MEIOSIN: variants seen among roughly 807,000 people sequenced by gnomAD.
MEIOSIN encodes meiosis initiator.
MEIOSIN carries 18 observed loss-of-function variants against 23.4 expected under a neutral mutation model. That is an observed-to-expected ratio of 0.77 (90% confidence interval 0.53 to 1.14). The LOEUF (loss-of-function observed/expected upper bound fraction) is 1.14, where lower values mean the gene tolerates loss of function less well. Ranked by LOEUF, MEIOSIN falls within the 50% of genes most tolerant of loss-of-function variation. MEIOSIN has a pLI of 0.00. For synonymous variants in MEIOSIN, 187 were observed against 100.6 expected (o/e 1.86, Z -5.14); for missense variants, 428 against 242.9 (o/e 1.76, Z -5.07).
chr19:45,742,373 G>A (rs762932147), intron 3 of MEIOSIN, among the ~76,000 whole-genome samples: 9 of 152,060 alleles, frequency 5.9e-5, no homozygotes, highest in Non-Finnish European at 1.3e-4. Context: ...CCAGCTACTC[G>A]GGAGACTGAA....
intron 4 of MEIOSIN, among the ~76,000 whole-genome samples, chr19:45,748,238 C>T (rs140565511): frequency 0.033 from 4,973 of 152,162 alleles, 289 homozygotes; most frequent in African/African-American, 0.11. Context: ...CCACCACGCC[C>T]GGCCAATTAG....
At chr19:45,737,554 C>T (rs115091750) in intron 2 of MEIOSIN, among the ~76,000 whole-genome samples, 1 of 151,908 alleles carries the variant, frequency 6.6e-6, no homozygotes, top group African/African-American at 2.4e-5. Flanking sequence ...CAGCTTTGAC[C>T]TCCCAGACTG....
chr19:45,753,307 G>A (rs1278566839), intron 5 of MEIOSIN, among the ~76,000 whole-genome samples: 1 of 152,146 alleles, frequency 6.6e-6, no homozygotes, highest in African/African-American at 2.4e-5. Context: ...ACCTTGAGGG[G>A]GTCGGCTAGG....
At chr19:45,763,844 C>T (rs1325509869) in intron 14 of MEIOSIN, 127 bp from the exon 15 acceptor site, 4 of 397,592 alleles carry the variant, frequency 1.0e-5, no homozygotes, top group African/African-American at 4.1e-5. Context: ...CTTGGTGGAC[C>T]CAAGGCTCGC....
In MEIOSIN at chr19:45,733,769, G is replaced by C. The variant is rs1258398921; in HGVS notation, c.-1+103G>C. ...GGGATCCCCACAGGAGCTTCCCTCG[G>C]TGGGGGGCTCAGGGGAATAGAACAT... On this transcript the variant is annotated intron_variant, in intron 1 of 14. Coordinates refer to ENST00000457052, the MANE Select transcript of MEIOSIN (RefSeq NM_001310124.2). This position sits in a 1 kb window ranked among gnomAD's most constrained non-coding sequence, Gnocchi z 5.7. 1.3e-5 allele frequency: 2 copies of C among 152,362 alleles called. No individual in the cohort carries two copies. The highest frequency in any genetic ancestry group is 2.1e-4 in the South Asian group (1 of 4,836). The allele number at this position is 152,362 out of a possible 1,614,324, so 9.4% of individuals were successfully genotyped here.
rs1485878926 is a variant in MEIOSIN, at chr19:45,753,660, A to G, written c.428A>G (p.Gln143Arg). 1 of 702,446 alleles carries G rather than the reference A, an allele frequency of 1.4e-6. No homozygotes were observed. Among genetic ancestry groups the G allele is most frequent in the Non-Finnish European group, 2.6e-6 (1 of 384,796 alleles). The allele number at this position is 702,446 out of a possible 1,614,324, so 43.5% of individuals were successfully genotyped here. A position where few individuals can be genotyped will look rare whatever the true frequency, so the allele number is the denominator to read the frequency against. The change falls in exon 6 of 15, where the codon CAG becomes CGG. Residue 143 changes from glutamine (Q) to arginine (R), a missense_variant. Transcript: ENST00000457052. ...TGEGGLAGLGQKPAWGPARRR... is the reference protein window; with the variant it reads ...TGEGGLAGLGRKPAWGPARRR... ...CTCTCCATCCCTGCAGGGCTGGGTC[A>G]GAAACCAGCCTGGGGCCCAGCCAGG...
At chr19:45,751,772 G>A (rs185393249) in intron 5 of MEIOSIN, among the ~76,000 whole-genome samples, 5 of 147,400 alleles carry the variant, frequency 3.4e-5, no homozygotes, top group Admixed American at 6.8e-5. Context: ...CTCTTGTTGC[G>A]CAGGCTGGAG....
chr19:45,749,671 C>CAA (rs71175219), intron 4 of MEIOSIN, among the ~76,000 whole-genome samples: 349 of 34,426 alleles, frequency 0.01, 37 homozygotes, highest in African/African-American at 0.037. Context: ...GATTCTGTCT[C>CAA]AAAAAAAAAA....
intron 3 of MEIOSIN, among the ~76,000 whole-genome samples, chr19:45,742,304 C>A (rs1373049946): frequency 6.6e-6 from 1 of 152,072 alleles, no homozygotes; most frequent in African/African-American, 2.4e-5. Flanking sequence ...CTGCACCCAG[C>A]CTTGTCTCTA....
Position 45,745,342 on chromosome 19 carries a change from G to A in MEIOSIN, c.306+21G>A, listed in dbSNP as rs540712592. The A allele has an allele frequency of 4.4e-4, 303 of 696,410 alleles. 1 individual carries two copies. Among genetic ancestry groups the A allele is most frequent in the Admixed American group, 2.2e-3 (106 of 48,610 alleles). 43.1% of individuals were successfully genotyped at this position (696,410 alleles called of 1,614,324 possible). A position where few individuals can be genotyped will look rare whatever the true frequency, so the allele number is the denominator to read the frequency against. On this transcript the variant is annotated intron_variant, in intron 4 of 14. Transcript: ENST00000457052. ...CAAAGGTACAGGGACTAGAGGAGAG[G>A]GGCCAGATTTGGGACGCAGGTCTTT...
intron 3 of MEIOSIN, 114 bp from the exon 4 acceptor site, chr19:45,745,078 C>A: frequency 1.5e-6 from 1 of 657,574 alleles, no homozygotes. Context: ...TCCTCGGTGT[C>A]CAGGGTGGGG....
At chr19:45,746,779 C>A (rs1968603223) in intron 4 of MEIOSIN, among the ~76,000 whole-genome samples, 1 of 151,598 alleles carries the variant, frequency 6.6e-6, no homozygotes, top group African/African-American at 2.4e-5. Context: ...CGAGATCGCG[C>A]CATTGCACCC....
Position 45,764,353 on chromosome 19 carries a change from A to C in MEIOSIN, c.*235A>C, listed in dbSNP as rs961860521. 2 of 387,006 alleles carry C rather than the reference A, an allele frequency of 5.2e-6. No homozygotes were observed. Among genetic ancestry groups the C allele is most frequent in the East Asian group, 7.3e-5 (2 of 27,276 alleles). The allele number at this position is 387,006 out of a possible 1,614,324, so 24.0% of individuals were successfully genotyped here. A position where few individuals can be genotyped will look rare whatever the true frequency, so the allele number is the denominator to read the frequency against. On this transcript the variant is annotated 3_prime_UTR_variant, in exon 15 of 15. Transcript: ENST00000457052. ...TCCCCCAGGCTTAGGAAGGAAACCC[A>C]AAATGAAATGCGGGGTGTCGGAAGG...
At chr19:45,746,614 G>C (rs931237480) in intron 4 of MEIOSIN, among the ~76,000 whole-genome samples, 1 of 152,028 alleles carries the variant, frequency 6.6e-6, no homozygotes, top group African/African-American at 2.4e-5. Context: ...GAGGTCAGGA[G>C]TTTGAGACCA....
intron 9 of MEIOSIN, 101 bp from the exon 10 acceptor site, chr19:45,758,777 G>A: frequency 4.9e-6 from 3 of 618,546 alleles, no homozygotes; most frequent in South Asian, 3.6e-5. Flanking sequence ...ACTGAGATTC[G>A]CTTTCCGTAG....
chr19:45,737,013 C>T (rs988407976), intron 2 of MEIOSIN, among the ~76,000 whole-genome samples: 10 of 151,780 alleles, frequency 6.6e-5, no homozygotes, highest in African/African-American at 2.4e-4. Flanking sequence ...AGACTACAGG[C>T]GCATGCCACC....
At chr19:45,744,471 TTTTGTTTTGTTTTGTTTTTGAGACGGAG>T (rs1968558571) in intron 3 of MEIOSIN, among the ~76,000 whole-genome samples, 1 of 152,018 alleles carries the variant, frequency 6.6e-6, no homozygotes, top group African/African-American at 2.4e-5. Context: ...CTTTTTTTTG[TTTTGTTTTGTTTTGTTTTTGAGACGGAG>T]TTTGTTTTGT....
intron 3 of MEIOSIN, among the ~76,000 whole-genome samples, chr19:45,743,785 G>A (rs1481516530): frequency 6.6e-6 from 1 of 152,116 alleles, no homozygotes; most frequent in Non-Finnish European, 1.5e-5. Flanking sequence ...GCTTCCCAAA[G>A]TGCTGGGATT....
At chr19:45,753,285 A>G (rs1568557859) in intron 5 of MEIOSIN, among the ~76,000 whole-genome samples, 1 of 152,142 alleles carries the variant, frequency 6.6e-6, no homozygotes, top group Non-Finnish European at 1.5e-5. Context: ...GCCAGAGGGA[A>G]AGGCCCCAGT....
Sources: allele counts gnomAD v4.1 joint callset (sites outside exome capture counted in the v4.1 genomes callset), GRCh38; gene constraint gnomAD v4.1.1; non-coding constraint Gnocchi (gnomAD v3.1); transcripts MANE v1.5; gene names NCBI Gene and HGNC (gene_info 2026-07-23, HGNC 2026-07-21).